The following SDK2 variants were observed in gnomAD, a reference collection of about 807,000 sequenced individuals.
SDK2 encodes protein sidekick-2.
A neutral mutation model predicts 253.9 loss-of-function variants in SDK2; 105 were observed. That is an observed-to-expected ratio of 0.41 (90% CI 0.35 to 0.49). The LOEUF (loss-of-function observed/expected upper bound fraction) is 0.49. Among genes scored for constraint, SDK2 ranks in the 20% least tolerant of loss-of-function variants. SDK2 has a pLI of 0.06. For synonymous variants in SDK2, 1,249 were observed against 1,234.9 expected, an observed-to-expected ratio of 1.01 and a Z score of -0.24; for missense variants, 2,608 against 3,003.0, an observed-to-expected ratio of 0.87 and a Z score of 3.07.
At chr17:73,453,861 C>T (rs1214423595) in intron 4 of SDK2, among the ~76,000 whole-genome samples, 1 of 152,160 alleles carries the variant, frequency 6.6e-6, no homozygotes, top group Non-Finnish European at 1.5e-5. Context: ...AGGATCAGTA[C>T]ACAGTCACGC....
At chr17:73,635,016 C>T (rs1164820643) in intron 1 of SDK2, among the ~76,000 whole-genome samples, 8 of 151,556 alleles carry the variant, frequency 5.3e-5, no homozygotes, top group Admixed American at 1.3e-4. Context: ...GACAGAGTCT[C>T]ACTCTGTACC....
rs986768363 is a variant in SDK2 at position 73,395,462 on chromosome 17, G to T, written c.3355-70C>A. On this transcript the variant is annotated intron_variant, in intron 24 of 44. Coordinates refer to ENST00000392650, the MANE Select transcript of SDK2 (RefSeq NM_001144952.2). This position sits in a 1 kb window ranked among gnomAD's most constrained non-coding sequence, Gnocchi z 4.3. ...CCACTGTGCAGGGAGGAACTGCCCT[G>T]CTACCCTCTCCTCCAGGGCGCCTTC... 3.0e-6 allele frequency: 4 copies of T among 1,314,176 alleles called. No individual in the cohort carries two copies. Among genetic ancestry groups the T allele is most frequent in the African/African-American group, 1.4e-5 (1 of 69,060 alleles). 81.4% of individuals were successfully genotyped at this position (1,314,176 alleles called of 1,614,324 possible).
chr17:73,588,152 C>G (rs2045627874), intron 1 of SDK2, among the ~76,000 whole-genome samples: 1 of 151,722 alleles, frequency 6.6e-6, no homozygotes, highest in Non-Finnish European at 1.5e-5. Flanking sequence ...CCTGGTGGAT[C>G]ACCTGGGGTC....
rs9302965 is a variant in SDK2, at chr17:73,427,642, CAAAA to C, written c.1583+2865_1583+2868del. Among the ~76,000 whole-genome samples the C allele has an allele frequency of 3.4e-3, 357 of 105,816 alleles. 15 individuals are homozygous for C. In the East Asian group the frequency reaches 0.09, roughly 27 times the overall value. The allele number at this position is 105,816 out of a possible 152,430, so 69.4% of individuals were successfully genotyped here. On this transcript the variant is annotated intron_variant, in intron 12 of 44. Transcript: ENST00000392650. ...GCTGGAAAACCTTGACATCCACATG[CAAAA>C]AAAAAAAAAAAAAAAATCTAGACAC...
chr17:73,388,020 TG>T lies in SDK2; in HGVS notation c.4209del (p.Ser1404AlafsTer10). 2 of 1,567,572 alleles carry T rather than the reference TG, an allele frequency of 1.3e-6. No homozygotes were observed. The highest frequency in any genetic ancestry group is 8.6e-7 in the Non-Finnish European group (1 of 1,157,204). On this transcript the variant is annotated frameshift_variant, in exon 30 of 45. Transcript: ENST00000392650. LOFTEE classifies it high-confidence loss of function. ...TCCTCCTGCTGCACCATCGGCCTGC[TG>T]GGGGGCTGCGGACGGTCTGGGAGGT... ...TTEKRDRPQPPSRPMVQQEDV... is the reference protein window; with the variant it reads ...TTEKRDRPQPXSRPMVQQEDV...
chr17:73,338,534 G>A lies in SDK2; in HGVS notation c.*53C>T. On this transcript the variant is annotated 3_prime_UTR_variant, in exon 45 of 45. Transcript: ENST00000392650. This position sits in a 1 kb window ranked among gnomAD's most constrained non-coding sequence, Gnocchi z 5.0. The stretch of plus-strand genomic sequence containing the variant: ...TTTTCTGGCAGGCAGTGAGAGGAGG[G>A]GTGAAGGAGGAGTTTGGTGCCATTT... 1.9e-6 allele frequency: 2 copies of A among 1,049,728 alleles called. No individual in the cohort carries two copies. The highest frequency in any genetic ancestry group is 2.8e-6 in the Non-Finnish European group (2 of 725,698). 65.0% of individuals were successfully genotyped at this position (1,049,728 alleles called of 1,614,324 possible). A position where few individuals can be genotyped will look rare whatever the true frequency, so the allele number is the denominator to read the frequency against.
At chr17:73,503,635 C>T (rs8078324) in intron 2 of SDK2, among the ~76,000 whole-genome samples, 91,722 of 152,080 alleles carry the variant, frequency 0.6, 28,135 homozygotes, top group Non-Finnish European at 0.66. Flanking sequence ...AGGTGGCTTC[C>T]ATCTAACCAC....
rs2062548039 is a variant in SDK2, at chr17:73,352,527, C to A, written c.5704G>T (p.Ala1902Ser). ...PGVSYDFRVI[A>S]VNDYGFGTPS... is the part of the protein sequence containing the mutation. ...GTGCCGAAACCATAGTCGTTGACCG[C>A]GATGACCCGGAAGTCATAGCTCACG... Residue 1902 changes from alanine (A) to serine (S), a missense_variant, in exon 41 of 45, where the codon GCG becomes TCG. Ala to Ser is a moderately conservative substitution (Grantham distance 99). This residue lies in a region of SDK2 where 1,103 missense variants were observed against 1,143.9 expected (regional missense o/e 0.96). Coordinates refer to ENST00000392650, the MANE Select transcript of SDK2 (RefSeq NM_001144952.2). This position sits in a 1 kb window ranked among gnomAD's most constrained non-coding sequence, Gnocchi z 4.1. The A allele has an allele frequency of 1.2e-6, 2 of 1,613,854 alleles. No homozygotes were observed. Among genetic ancestry groups the A allele is most frequent in the South Asian group, 2.2e-5 (2 of 91,066 alleles).
At chr17:73,507,781 G>A (rs984904277) in intron 1 of SDK2, among the ~76,000 whole-genome samples, 184 bp from the exon 2 acceptor site, 16 of 152,158 alleles carry the variant, frequency 1.1e-4, no homozygotes, top group Admixed American at 9.8e-4. Context: ...TCTTCAGCGG[G>A]AGTCACCGAC....
chr17:73,574,616 A>T (rs1251763969), intron 1 of SDK2, among the ~76,000 whole-genome samples: 1 of 152,128 alleles, frequency 6.6e-6, no homozygotes, highest in Admixed American at 6.5e-5. Flanking sequence ...GCCAGGAGAC[A>T]AGGTCCTCTG....
intron 33 of SDK2, among the ~76,000 whole-genome samples, chr17:73,381,566 A>C (rs1335933468): frequency 6.6e-6 from 1 of 152,186 alleles, no homozygotes; most frequent in Non-Finnish European, 1.5e-5. Context: ...GCTTGAGAGA[A>C]CTAAGGGAGG....
intron 5 of SDK2, among the ~76,000 whole-genome samples, chr17:73,446,358 A>C (rs1160346422): frequency 6.6e-6 from 1 of 152,220 alleles, no homozygotes; most frequent in African/African-American, 2.4e-5. Context: ...TTACACCCTC[A>C]ACCCTGACGG....
chr17:73,427,017 A>G (rs971806482), intron 12 of SDK2, among the ~76,000 whole-genome samples: 1 of 152,098 alleles, frequency 6.6e-6, no homozygotes, highest in Non-Finnish European at 1.5e-5. Flanking sequence ...CCCGGGAGGC[A>G]GAGCTTGCAG....
At chr17:73,458,821 T>C (rs2063545983) in intron 3 of SDK2, among the ~76,000 whole-genome samples, 1 of 152,004 alleles carries the variant, frequency 6.6e-6, no homozygotes, top group South Asian at 2.1e-4. Flanking sequence ...CTGGCCAACA[T>C]GGTGAAACCC....
chr17:73,637,709 C>G (rs567777762), intron 1 of SDK2, among the ~76,000 whole-genome samples: 1 of 152,210 alleles, frequency 6.6e-6, no homozygotes, highest in Non-Finnish European at 1.5e-5. Flanking sequence ...TCTTCCTCTC[C>G]CTTTTCCTCT....
At chr17:73,358,036 G>C (rs376912577) in intron 40 of SDK2, 43 bp downstream of exon 40, 87 of 1,611,646 alleles carry the variant, frequency 5.4e-5, no homozygotes, top group Non-Finnish European at 6.6e-5. Context: ...GAAGAAGGGA[G>C]ATAATGAGCT....
chr17:73,342,207 C>T (rs1259363107), intron 44 of SDK2, among the ~76,000 whole-genome samples: 6 of 151,956 alleles, frequency 3.9e-5, no homozygotes, highest in South Asian at 2.1e-4. Flanking sequence ...ACTCTCCTTA[C>T]CACCCCTGCA....
Position 73,443,532 on chromosome 17 carries a change from C to G in SDK2, c.614-2609G>C, listed in dbSNP as rs7221985. On this transcript the variant is annotated intron_variant, in intron 5 of 44. Coordinates refer to ENST00000392650, the MANE Select transcript of SDK2 (RefSeq NM_001144952.2). This position sits in a 1 kb window ranked among gnomAD's most constrained non-coding sequence, Gnocchi z 4.6. Reference sequence around the variant, plus strand: ...TGGCACAGCCAGGTAAACAGGGAGACCTCAAGGAAGGCGAGTTCTGAGTTT... The same window carrying G: ...TGGCACAGCCAGGTAAACAGGGAGAGCTCAAGGAAGGCGAGTTCTGAGTTT... Among the ~76,000 whole-genome samples the G allele has an allele frequency of 0.29, 44,508 of 152,128 alleles. 7,158 individuals carry two copies. The highest frequency in any genetic ancestry group is 0.42 in the African/African-American group (17,289 of 41,484).
At chr17:73,579,852 C>T (rs188372994) in intron 1 of SDK2, among the ~76,000 whole-genome samples, 7 of 152,076 alleles carry the variant, frequency 4.6e-5, no homozygotes, top group African/African-American at 1.7e-4. Context: ...GTGAAGGGCA[C>T]CTGTAATCCC....
Sources: allele counts gnomAD v4.1 joint callset (sites outside exome capture counted in the v4.1 genomes callset), GRCh38; gene constraint gnomAD v4.1.1; regional missense constraint gnomAD v4.1.1; non-coding constraint Gnocchi (gnomAD v3.1); transcripts MANE v1.5; gene names NCBI Gene and HGNC (gene_info 2026-07-23, HGNC 2026-07-21).